The following LRP2 variants were observed in gnomAD, a reference collection of about 807,000 sequenced individuals.
LRP2 encodes the protein LDL receptor related protein 2.
In LRP2, 172 loss-of-function variants were observed where a neutral mutation model predicts 531.0. The observed-to-expected ratio is 0.32, with a 90% CI of 0.29 to 0.37. LRP2 has a LOEUF of 0.37. Ranked by LOEUF, LRP2 falls within the 10% of genes least tolerant of loss-of-function variation. The pLI is 1.00. For synonymous variants in LRP2, 1,992 were observed against 2,027.6 expected (o/e 0.98, Z 0.47); for missense variants, 5,167 against 5,868.3 (o/e 0.88, Z 3.90).
At chr2:169,279,651 G>T in intron 11 of LRP2, 56 bp from the exon 12 acceptor site, 1 of 1,130,788 alleles carries the variant, frequency 8.8e-7, no homozygotes, top group Non-Finnish European at 1.3e-6. Context: ...TACGTGGTTT[G>T]TTTTGATTTT....
chr2:169,299,201 C>T (rs1403137708), intron 4 of LRP2, among the ~76,000 whole-genome samples: 1 of 150,666 alleles, frequency 6.6e-6, no homozygotes, highest in Non-Finnish European at 1.5e-5. Context: ...AATTCAGCAC[C>T]TTGGAAAGAG....
intron 13 of LRP2, among the ~76,000 whole-genome samples, chr2:169,276,432 C>T (rs1209609428): frequency 6.6e-6 from 1 of 151,990 alleles, no homozygotes; most frequent in African/African-American, 2.4e-5. Flanking sequence ...TAATATAATG[C>T]TAAAACATCC....
chr2:169,195,762 C>T (rs1167735904), intron 46 of LRP2, among the ~76,000 whole-genome samples: 12 of 152,050 alleles, frequency 7.9e-5, no homozygotes, highest in Admixed American at 6.6e-4. Flanking sequence ...CTCTATGTGC[C>T]CTTTGCTTTC....
chr2:169,315,959 C>T (rs1471116355), intron 3 of LRP2, among the ~76,000 whole-genome samples: 1 of 73,746 alleles, frequency 1.4e-5, no homozygotes, highest in Non-Finnish European at 2.6e-5. Flanking sequence ...CCCATCTCTA[C>T]AAAAAAAAAA....
At chr2:169,156,511 G>T in intron 64 of LRP2, 106 bp from the exon 65 acceptor site, 1 of 1,256,572 alleles carries the variant, frequency 8.0e-7, no homozygotes, top group Non-Finnish European at 1.2e-6. Context: ...ACCGAGAAGG[G>T]TACAGATGAA....
At chr2:169,138,400 T>C (rs1685595732) in intron 75 of LRP2, among the ~76,000 whole-genome samples, 177 bp downstream of exon 75, 1 of 152,236 alleles carries the variant, frequency 6.6e-6, no homozygotes, top group African/African-American at 2.4e-5. Context: ...TTATTACCAA[T>C]GTTTTTAGAC....
chr2:169,139,600 C>T lies in LRP2; in HGVS notation c.13210G>A (p.Gly4404Ser), dbSNP rs143355907. The part of the protein sequence containing the change: ...TDLPKCKCPS[G>S]YTGKYCEMAF... ...ATTTCACAATATTTTCCGGTGTAGC[C>T]GCTAGGACACCTGAAAGGAAAAAGC... is the stretch of plus-strand genomic sequence containing the variant. Residue 4404 changes from glycine to serine, a missense_variant, in exon 73 of 79, where the codon GGC becomes AGC. Physicochemically the swap from Gly to Ser is moderately conservative, Grantham distance 56. Coordinates refer to ENST00000649046, the MANE Select transcript of LRP2 (RefSeq NM_004525.3). The T allele has an allele frequency of 6.8e-6, 11 of 1,614,122 alleles. No individual in the cohort carries two copies. Among genetic ancestry groups the T allele is most frequent in the East Asian group, 2.2e-5 (1 of 44,880 alleles).
At position 169,244,915 on chromosome 2, in the gene LRP2, A is replaced by G. The variant is rs1393847612; in HGVS notation, c.3208T>C (p.Ser1070Pro). 3.1e-6 allele frequency: 5 copies of G among 1,614,246 alleles called. No individual in the cohort carries two copies. The change falls in exon 22 of 79, where the codon TCG becomes CCG. Residue 1070 changes from serine (S) to proline (P), a missense_variant. Transcript: ENST00000649046. ...TCCCCATGGCCACAGGTGAACGCCG[A>G]AGATGAACAGGTATTATCTACAATA... ...CGTLNNTCSSSAFTCGHGECI... is the reference protein window; with the variant it reads ...CGTLNNTCSSPAFTCGHGECI...
chr2:169,154,019 T>A (rs945451264), intron 66 of LRP2, among the ~76,000 whole-genome samples: 6 of 152,098 alleles, frequency 3.9e-5, no homozygotes, highest in African/African-American at 1.4e-4. Flanking sequence ...TAACTTAGAG[T>A]AACATGTGCC....
At position 169,354,000 on chromosome 2, in the gene LRP2, CT is replaced by C. The variant is rs375135833; in HGVS notation, c.79+8320del. Among the ~76,000 whole-genome samples the C allele has an allele frequency of 6.1e-3, 922 of 152,240 alleles. 7 individuals carry two copies. The highest frequency in any genetic ancestry group is 0.029 in the South Asian group (142 of 4,818). Reference sequence around the variant, plus strand: ...TCTGGCCTGGGTGATAAAGTAAGACCTTGTCTCAAAAAATAAAAATAAACGA... The same window carrying C: ...TCTGGCCTGGGTGATAAAGTAAGACCTGTCTCAAAAAATAAAAATAAACGA... On this transcript the variant is annotated intron_variant, in intron 1 of 78. Transcript: ENST00000649046.
rs368182191 is a variant in LRP2, at chr2:169,226,513, T to C, written c.5303A>G (p.Asn1768Ser). ...CCCTGCTATGGGGACCATAGCATCA[T>C]TGCTCTTCACCTCAGGATTAAGGGA... ...GISLNPEVKSNDAMVPIAGIQ... is the reference protein window; with the variant it reads ...GISLNPEVKSSDAMVPIAGIQ... The change falls in exon 32 of 79, where the codon AAT becomes AGT. Residue 1768 changes from asparagine (N) to serine (S), a missense_variant. By Grantham distance (46) the Asn-to-Ser change is conservative. This residue lies in a region of LRP2 where 2,811 missense variants were observed against 3,058.0 expected (regional missense o/e 0.92). Coordinates refer to ENST00000649046, the MANE Select transcript of LRP2 (RefSeq NM_004525.3). 34 of 1,612,238 alleles carry C rather than the reference T, an allele frequency of 2.1e-5. No individual in the cohort carries two copies. The African/African-American group carries it at 4.1e-4, about 20-fold the overall frequency.
intron 21 of LRP2, among the ~76,000 whole-genome samples, chr2:169,245,644 G>A (rs966775435): frequency 1.4e-4 from 22 of 151,942 alleles, no homozygotes; most frequent in African/African-American, 5.1e-4. Flanking sequence ...CTGCAATAGT[G>A]TTTATTAGGC....
intron 66 of LRP2, among the ~76,000 whole-genome samples, chr2:169,154,101 G>A (rs1686245770): frequency 6.6e-6 from 1 of 152,164 alleles, no homozygotes; most frequent in South Asian, 2.1e-4. Context: ...TTGTCACAGA[G>A]GTGGTGACAT....
chr2:169,300,050 C>G (rs1224451541), intron 4 of LRP2, among the ~76,000 whole-genome samples: 1 of 152,060 alleles, frequency 6.6e-6, no homozygotes, highest in Non-Finnish European at 1.5e-5. Flanking sequence ...AGATACTGTG[C>G]TAAGAATTAA....
At chr2:169,314,107 A>C (rs1684693423) in intron 3 of LRP2, among the ~76,000 whole-genome samples, 1 of 152,224 alleles carries the variant, frequency 6.6e-6, no homozygotes, top group African/African-American at 2.4e-5. Context: ...ACCTTTTCAA[A>C]CGACAAGTAA....
intron 68 of LRP2, among the ~76,000 whole-genome samples, chr2:169,147,332 A>G (rs573561379): frequency 6.6e-6 from 1 of 152,276 alleles, no homozygotes; most frequent in South Asian, 2.1e-4. Flanking sequence ...AAACATACAA[A>G]GATTTCTATC....
In LRP2 at chr2:169,246,801, G is replaced by C. The variant is rs769682721; in HGVS notation, c.3094C>G (p.Pro1032Ala). ...PTEQCGLFSF[P>A]CKNGRCVPNY... ...GGCACACATCTGCCATTTTTACAGGGGAAGGAAAATAAGCCACACTGCTCT... is the reference window on the plus strand; with the variant it reads ...GGCACACATCTGCCATTTTTACAGGCGAAGGAAAATAAGCCACACTGCTCT... The change falls in exon 21 of 79, where the codon CCC (proline) becomes GCC (alanine). Residue 1032 changes from proline (P) to alanine (A), a missense_variant. Physicochemically the swap from Pro to Ala is conservative, Grantham distance 27. This residue lies in a region of LRP2 where 2,811 missense variants were observed against 3,058.0 expected (regional missense o/e 0.92). Coordinates refer to ENST00000649046, the MANE Select transcript of LRP2 (RefSeq NM_004525.3). 1.9e-6 allele frequency: 3 copies of C among 1,614,114 alleles called. No homozygotes were observed. The highest frequency in any genetic ancestry group is 1.3e-5 in the African/African-American group (1 of 75,026).
At chr2:169,335,481 T>C (rs1559081326) in intron 1 of LRP2, among the ~76,000 whole-genome samples, 1 of 152,324 alleles carries the variant, frequency 6.6e-6, no homozygotes, top group East Asian at 1.9e-4. Context: ...CATAAAGAAA[T>C]TGAGGATTAA....
At chr2:169,231,970 GTTGTTTTCTT>G in intron 30 of LRP2, 128 bp from the exon 31 acceptor site, 1 of 1,107,334 alleles carries the variant, frequency 9.0e-7, no homozygotes, top group East Asian at 2.6e-5. Flanking sequence ...TGTTACCTCT[GTTGTTTTCTT>G]TTGTTTTGTT....
Sources: gnomAD v4.1 joint callset for allele counts (sites outside exome capture counted in the v4.1 genomes callset) on GRCh38, gnomAD v4.1.1 for gene constraint, gnomAD v4.1.1 regional missense constraint, MANE v1.5 for transcripts, NCBI Gene and HGNC (gene_info 2026-07-23, HGNC 2026-07-21) for gene names.